TMEM94: variants seen among roughly 807,000 people sequenced by gnomAD.
TMEM94 encodes the protein transmembrane protein 94.
In TMEM94, 81 loss-of-function variants were observed where a neutral mutation model predicts 158.6. The observed-to-expected ratio is 0.51, with a 90% CI of 0.43 to 0.61. The LOEUF (loss-of-function observed/expected upper bound fraction) is 0.61, where lower values mean the gene tolerates loss of function less well. Among genes scored for constraint, TMEM94 ranks in the 20% least tolerant of loss-of-function variants. The pLI is 0.00. For missense variants in TMEM94, 1,435 were observed against 1,762.0 expected, an observed-to-expected ratio of 0.81 and a Z score of 3.32; for synonymous variants, 751 against 730.7, an observed-to-expected ratio of 1.03 and a Z score of -0.45.
At position 75,485,351 on chromosome 17, in the gene TMEM94, A is replaced by AG; in HGVS notation, c.25-73dup. The stretch of plus-strand genomic sequence containing the variant: ...GAGGGGAAGGATGAAGGGCCAGGGA[A>AG]GGGGAGGGTTGGGGCCCGCGTGCCT... On this transcript the variant is annotated intron_variant, in intron 2 of 31. Coordinates refer to ENST00000314256, the MANE Select transcript of TMEM94 (RefSeq NM_014738.6). This position sits in a 1 kb window ranked among gnomAD's most constrained non-coding sequence, Gnocchi z 5.5. 6 of 1,532,818 alleles carry AG rather than the reference A, an allele frequency of 3.9e-6. No homozygotes were observed. Among genetic ancestry groups the AG allele is most frequent in the Non-Finnish European group, 5.3e-6 (6 of 1,127,030 alleles). The allele number at this position is 1,532,818 out of a possible 1,614,324, so 95.0% of individuals were successfully genotyped here.
chr17:75,486,296 G>A lies in TMEM94; in HGVS notation c.279G>A (p.Gly93=), dbSNP rs745881747. Residue 93 remains glycine (G), a synonymous_variant, in exon 5 of 32, where the codon GGG becomes GGA. Transcript: ENST00000314256. ...CCGGQPAGSR[G]VGLVNASALF... is the part of the protein sequence containing the mutation. ...CTCTCTTTCCTCCCACCAGCCGTGGGGTGGGGCTGGTGAATGCCTCGGCCT... is the reference window on the plus strand; with the variant it reads ...CTCTCTTTCCTCCCACCAGCCGTGGAGTGGGGCTGGTGAATGCCTCGGCCT... 5 of 1,614,112 alleles carry A rather than the reference G, an allele frequency of 3.1e-6. No homozygotes were observed. Among genetic ancestry groups the A allele is most frequent in the Non-Finnish European group, 4.2e-6 (5 of 1,179,974 alleles).
intron 2 of TMEM94, among the ~76,000 whole-genome samples, chr17:75,483,456 T>G (rs1205235229): frequency 6.6e-6 from 1 of 151,670 alleles, no homozygotes; most frequent in Non-Finnish European, 1.5e-5. Context: ...TCAAGTTTTT[T>G]TCTTTTCTTT....
At chr17:75,486,546 T>C (rs2051629293) in intron 5 of TMEM94, 120 bp downstream of exon 5, 1 of 1,236,376 alleles carries the variant, frequency 8.1e-7, no homozygotes, top group South Asian at 1.4e-5. Flanking sequence ...GCAGGGGCTC[T>C]TGTCATCTGG....
intron 1 of TMEM94, chr17:75,457,269 C>CT (rs1368755287): frequency 2.6e-5 from 4 of 152,148 alleles, no homozygotes; most frequent in Non-Finnish European, 4.4e-5. Flanking sequence ...TTGGAGCGGG[C>CT]TTTTTTTTCT....
intron 1 of TMEM94, among the ~76,000 whole-genome samples, chr17:75,458,394 A>T (rs2049956674): frequency 6.6e-6 from 1 of 152,198 alleles, no homozygotes; most frequent in East Asian, 1.9e-4. Context: ...TAAATAAAAA[A>T]ATTTAAAGCA....
At position 75,498,126 on chromosome 17, in the gene TMEM94, C is replaced by T. The variant is rs774379161; in HGVS notation, c.3490-49C>T. On this transcript the variant is annotated intron_variant, in intron 27 of 31. Coordinates refer to ENST00000314256, the MANE Select transcript of TMEM94 (RefSeq NM_014738.6). The surrounding 1 kb of genome is among the most constrained non-coding windows in gnomAD (Gnocchi z 6.7). ...GAATACGTGGAAGAGCTAGGAGCAG[C>T]CGGCAGAGGGGCTGTGCGCCCCAGG... is the stretch of plus-strand genomic sequence containing the variant. 6 of 1,605,768 alleles carry T rather than the reference C, an allele frequency of 3.7e-6. No homozygotes were observed. In the South Asian group the frequency reaches 4.4e-5, roughly 12 times the overall value.
chr17:75,471,507 G>C (rs2146237697), intron 1 of TMEM94, among the ~76,000 whole-genome samples: 1 of 152,150 alleles, frequency 6.6e-6, no homozygotes, highest in Non-Finnish European at 1.5e-5. Context: ...GATCACTTGA[G>C]GTCAGGAGTT....
Position 75,493,792 on chromosome 17 carries a change from G to A in TMEM94, c.2283G>A (p.Gln761=). 1.2e-6 allele frequency: 2 copies of A among 1,614,056 alleles called. No individual in the cohort carries two copies. The highest frequency in any genetic ancestry group is 1.7e-6 in the Non-Finnish European group (2 of 1,180,036). ...YKPMNCALSS[Q]LNGKCIELVQ... ...CCATGAACTGCGCCCTGTCCTCTCA[G>A]CTCAATGGCAAGTGCATCGAGCTGG... The change falls in exon 18 of 32, where the codon CAG becomes CAA. Residue 761 remains glutamine (Q), a synonymous_variant. Coordinates refer to ENST00000314256, the MANE Select transcript of TMEM94 (RefSeq NM_014738.6).
intron 1 of TMEM94, among the ~76,000 whole-genome samples, chr17:75,460,770 C>A (rs2050038349): frequency 6.6e-6 from 1 of 152,014 alleles, no homozygotes; most frequent in Non-Finnish European, 1.5e-5. Flanking sequence ...CCTCGGCCTC[C>A]CAAAGTGCTG....
In TMEM94 at chr17:75,461,880, C is replaced by T. The variant is rs189271786; in HGVS notation, c.-107+5129C>T. ...AGTGAGTCGAGATCGTGCCACTGCA[C>T]TCCAGCATGGACGACAGAGCAAGAC... On this transcript the variant is annotated intron_variant, in intron 1 of 31. Transcript: ENST00000314256. 4.3e-3 allele frequency among the ~76,000 whole-genome samples: 626 copies of T among 146,980 alleles called. 6 individuals are homozygous for T. The highest frequency in any genetic ancestry group is 0.015 in the African/African-American group (591 of 39,710).
Position 75,489,253 on chromosome 17 carries a change from C to T in TMEM94, c.765-13C>T. 2 of 1,613,214 alleles carry T rather than the reference C, an allele frequency of 1.2e-6. No individual in the cohort carries two copies. The highest frequency in any genetic ancestry group is 1.7e-6 in the Non-Finnish European group (2 of 1,179,140). On this transcript the variant is annotated splice_polypyrimidine_tract_variant and intron_variant, in intron 7 of 31. Coordinates refer to ENST00000314256, the MANE Select transcript of TMEM94 (RefSeq NM_014738.6). The surrounding 1 kb of genome is among the most constrained non-coding windows in gnomAD (Gnocchi z 5.0). ...CTCTGCCAAGTGAGACTGACAGTCA[C>T]TTCTTTCTGCAGATGGTGCCTGGAC...
intron 2 of TMEM94, among the ~76,000 whole-genome samples, chr17:75,474,446 G>C (rs1306258742): frequency 6.6e-6 from 1 of 152,164 alleles, no homozygotes; most frequent in African/African-American, 2.4e-5. Flanking sequence ...TTCAAGAACA[G>C]CCTGGCCAAC....
Position 75,494,634 on chromosome 17 carries a change from C to G in TMEM94, c.2415C>G (p.Ile805Met). ...TGTGTGTCCTGCCTGAAGAAGGGATCGGGGAGGTGCTGGAGAAGGAAGACT... is the reference window on the plus strand; with the variant it reads ...TGTGTGTCCTGCCTGAAGAAGGGATGGGGGAGGTGCTGGAGAAGGAAGACT... ...RRSSWSSDEGIGEVLEKEDCM... is the reference protein window; with the variant it reads ...RRSSWSSDEGMGEVLEKEDCM... Residue 805 changes from isoleucine to methionine, a missense_variant, in exon 19 of 32, where the codon ATC becomes ATG. Ile to Met is a conservative substitution (Grantham distance 10). Around this residue, in one of 3 missense-constraint regions of TMEM94, gnomAD observed 1,051 missense variants for 1,254.4 expected, o/e 0.84. Transcript: ENST00000314256. 1 of 1,613,168 alleles carries G rather than the reference C, an allele frequency of 6.2e-7. No homozygotes were observed. The highest frequency in any genetic ancestry group is 8.5e-7 in the Non-Finnish European group (1 of 1,179,872).
At chr17:75,477,956 C>T (rs2050804823) in intron 2 of TMEM94, among the ~76,000 whole-genome samples, 1 of 147,936 alleles carries the variant, frequency 6.8e-6, no homozygotes, top group Non-Finnish European at 1.5e-5. Context: ...TTGTGGTGAG[C>T]CATAGCACCA....
Position 75,485,695 on chromosome 17 carries a change from C to T in TMEM94, c.144+148C>T. Reference sequence around the variant, plus strand: ...GAAATATCAGAAAGAAGCCAAGGTTCCCCTCAGAGTGGCTCCTGAGCCTGC... The same window carrying T: ...GAAATATCAGAAAGAAGCCAAGGTTTCCCTCAGAGTGGCTCCTGAGCCTGC... On this transcript the variant is annotated intron_variant, in intron 3 of 31. Coordinates refer to ENST00000314256, the MANE Select transcript of TMEM94 (RefSeq NM_014738.6). This position sits in a 1 kb window ranked among gnomAD's most constrained non-coding sequence, Gnocchi z 5.5. 1 of 1,353,570 alleles carries T rather than the reference C, an allele frequency of 7.4e-7. No homozygotes were observed. The highest frequency in any genetic ancestry group is 1.0e-6 in the Non-Finnish European group (1 of 985,702). The allele number at this position is 1,353,570 out of a possible 1,614,324, so 83.8% of individuals were successfully genotyped here.
chr17:75,499,254 C>T lies in TMEM94; in HGVS notation c.3999-8C>T. On this transcript the variant is annotated splice_polypyrimidine_tract_variant and splice_region_variant and intron_variant, in intron 31 of 31. Coordinates refer to ENST00000314256, the MANE Select transcript of TMEM94 (RefSeq NM_014738.6). ...GCCAACCTGTACTTTAATCTCCTGC[C>T]CCACCAGGGTCCGAGTCCGCTACCA... 1 of 1,613,606 alleles carries T rather than the reference C, an allele frequency of 6.2e-7. No homozygotes were observed. The highest frequency in any genetic ancestry group is 1.7e-5 in the Admixed American group (1 of 60,012).
At chr17:75,490,375 G>A in intron 10 of TMEM94, 25 bp downstream of exon 10, 7 of 1,605,270 alleles carry the variant, frequency 4.4e-6, no homozygotes, top group Middle Eastern at 1.7e-4. Flanking sequence ...GGTGTCTGGG[G>A]GAAGTCACAG....
chr17:75,495,839 G>A lies in TMEM94; in HGVS notation c.2945-127G>A, dbSNP rs865894598. The A allele has an allele frequency of 9.9e-5, 80 of 811,338 alleles. No homozygotes were observed. The Middle Eastern group carries it at 6.7e-3, about 68-fold the overall frequency. The allele number at this position is 811,338 out of a possible 1,614,324, so 50.3% of individuals were successfully genotyped here. On this transcript the variant is annotated intron_variant, in intron 22 of 31. Coordinates refer to ENST00000314256, the MANE Select transcript of TMEM94 (RefSeq NM_014738.6). The surrounding 1 kb of genome is among the most constrained non-coding windows in gnomAD (Gnocchi z 5.6). Reference sequence around the variant, plus strand: ...ATGTTCACATGATCCCGCTGCCGGGGGTGGGATTGTTTCAAAGAGGGGCCC... The same window carrying A: ...ATGTTCACATGATCCCGCTGCCGGGAGTGGGATTGTTTCAAAGAGGGGCCC...
chr17:75,490,862 C>A (rs1399771404), intron 11 of TMEM94, 104 bp downstream of exon 11: 5 of 1,094,800 alleles, frequency 4.6e-6, no homozygotes, highest in Non-Finnish European at 6.9e-6. Flanking sequence ...CTCTTAGAGC[C>A]CCATGTCCAC....
Sources: gnomAD v4.1 joint callset for allele counts (sites outside exome capture counted in the v4.1 genomes callset) on GRCh38, gnomAD v4.1.1 for gene constraint, gnomAD v4.1.1 regional missense constraint, Gnocchi (gnomAD v3.1) non-coding constraint, MANE v1.5 for transcripts, NCBI Gene and HGNC (gene_info 2026-07-23, HGNC 2026-07-21) for gene names.